EFCAB6: variants seen among roughly 807,000 people sequenced by gnomAD.
The protein encoded by EFCAB6 is EF-hand calcium binding domain 6.
Under a neutral mutation model 169.8 loss-of-function variants are expected in EFCAB6, and 156 were observed. The observed-to-expected ratio is 0.92, with a 90% CI of 0.81 to 1.05. The LOEUF (loss-of-function observed/expected upper bound fraction) is 1.05, where lower values mean the gene tolerates loss of function less well. Among genes scored for constraint, EFCAB6 ranks in the 50% least tolerant of loss-of-function variants. The pLI is 0.00. For missense variants in EFCAB6, 1,800 were observed against 1,829.1 expected (o/e 0.98, Z 0.29); for synonymous variants, 698 against 676.4 (o/e 1.03, Z -0.50).
chr22:43,732,570 G>T (rs1244285320), intron 7 of EFCAB6, among the ~76,000 whole-genome samples: 1 of 148,022 alleles, frequency 6.8e-6, no homozygotes. Flanking sequence ...CAGTTCAAGC[G>T]ATTCTCGTGC....
intron 13 of EFCAB6, among the ~76,000 whole-genome samples, chr22:43,675,371 A>G (rs1460104655): frequency 9.3e-6 from 1 of 107,992 alleles, no homozygotes; most frequent in Non-Finnish European, 2.1e-5. Context: ...ATATAATATA[A>G]TATACTATAT....
chr22:43,809,578 T>C (rs997267541), intron 1 of EFCAB6, among the ~76,000 whole-genome samples: 1 of 152,186 alleles, frequency 6.6e-6, no homozygotes, highest in African/African-American at 2.4e-5. Flanking sequence ...TGTGTCCCTG[T>C]TGCCTTTTGT....
chr22:43,660,577 T>A (rs1424672497), intron 17 of EFCAB6, among the ~76,000 whole-genome samples: 1 of 151,384 alleles, frequency 6.6e-6, no homozygotes, highest in Non-Finnish European at 1.5e-5. Context: ...ATATATATAT[T>A]TTTTCCAACC....
chr22:43,672,984 C>A (rs909989368), intron 13 of EFCAB6, among the ~76,000 whole-genome samples: 1 of 152,070 alleles, frequency 6.6e-6, no homozygotes, highest in Non-Finnish European at 1.5e-5. Flanking sequence ...AGAAGAATAA[C>A]GAGATGGTAT....
At chr22:43,579,169 A>AGCATCATTCCATACACATAG (rs2050493372) in intron 25 of EFCAB6, among the ~76,000 whole-genome samples, 1 of 145,324 alleles carries the variant, frequency 6.9e-6, no homozygotes, top group African/African-American at 2.6e-5. Context: ...CTTACATGCA[A>AGCATCATTCCATACACATAG]GCATCATTCC....
chr22:43,566,414 C>T (rs2049432248), intron 26 of EFCAB6, among the ~76,000 whole-genome samples: 1 of 152,220 alleles, frequency 6.6e-6, no homozygotes, highest in Non-Finnish European at 1.5e-5. Flanking sequence ...GTGAATTCAA[C>T]CAGTGCTTAC....
intron 26 of EFCAB6, among the ~76,000 whole-genome samples, chr22:43,573,732 C>CAAAAAA (rs748024357): frequency 9.4e-5 from 8 of 85,290 alleles, no homozygotes; most frequent in South Asian, 4.1e-4. Context: ...TCTGTCTCAA[C>CAAAAAA]AAAAAAAAAA....
At position 43,716,870 on chromosome 22, in the gene EFCAB6, A is replaced by G. The variant is rs987259535; in HGVS notation, c.860T>C (p.Ile287Thr). 3 of 1,603,828 alleles carry G rather than the reference A, an allele frequency of 1.9e-6. No homozygotes were observed. Among genetic ancestry groups the G allele is most frequent in the East Asian group, 2.2e-5 (1 of 44,454 alleles). ...TACTTGTAGACAAAAGTTCCTCTCA[A>G]TTTCATCCAAGGAGTAGTTTCTCCA... Reference protein sequence around the residue: ...DIWRNYSLDEIERNFCLQLSK... With the variant: ...DIWRNYSLDETERNFCLQLSK... Residue 287 changes from isoleucine to threonine, a missense_variant, in exon 9 of 32, where the codon ATT becomes ACT. Transcript: ENST00000262726.
intron 17 of EFCAB6, among the ~76,000 whole-genome samples, chr22:43,655,808 T>A (rs949224044): frequency 6.6e-6 from 1 of 152,126 alleles, no homozygotes; most frequent in Non-Finnish European, 1.5e-5. Flanking sequence ...GGATACGCCA[T>A]GTGAACACTC....
chr22:43,565,938 G>A (rs759430038), intron 26 of EFCAB6, among the ~76,000 whole-genome samples: 12 of 150,828 alleles, frequency 8.0e-5, no homozygotes, highest in Non-Finnish European at 1.8e-4. Context: ...GAAATTAATT[G>A]TACTGTATCT....
At chr22:43,652,456 A>G (rs1285980155) in intron 17 of EFCAB6, among the ~76,000 whole-genome samples, 1 of 152,196 alleles carries the variant, frequency 6.6e-6, no homozygotes, top group Non-Finnish European at 1.5e-5. Context: ...TGTCTTCATC[A>G]GCAGCGTGAA....
Position 43,572,876 on chromosome 22 carries a change from A to G in EFCAB6, c.3420+3421T>C, listed in dbSNP as rs1057320670. On this transcript the variant is annotated intron_variant, in intron 26 of 31. Coordinates refer to ENST00000262726, the MANE Select transcript of EFCAB6 (RefSeq NM_022785.4). This position sits in a 1 kb window ranked among gnomAD's most constrained non-coding sequence, Gnocchi z 4.0. ...GCACCCAGCTCAGCGCCTGGTACACATGGGCCATAGGAAACACGTGTCATG... is the reference window on the plus strand; with the variant it reads ...GCACCCAGCTCAGCGCCTGGTACACGTGGGCCATAGGAAACACGTGTCATG... 3.3e-5 allele frequency among the ~76,000 whole-genome samples: 5 copies of G among 152,216 alleles called. No individual in the cohort carries two copies. The highest frequency in any genetic ancestry group is 2.9e-5 in the Non-Finnish European group (2 of 68,046).
chr22:43,734,213 C>A (rs959192225), intron 7 of EFCAB6, among the ~76,000 whole-genome samples: 2 of 152,100 alleles, frequency 1.3e-5, no homozygotes, highest in African/African-American at 4.8e-5. Flanking sequence ...TGCATTGTTT[C>A]TTGCTCAAAA....
At chr22:43,749,585 T>C (rs762773099) in intron 6 of EFCAB6, among the ~76,000 whole-genome samples, 3 of 152,006 alleles carry the variant, frequency 2.0e-5, no homozygotes, top group Non-Finnish European at 4.4e-5. Context: ...TTCGTGCTCC[T>C]ATGAGAAGCT....
chr22:43,555,983 C>T (rs543046767), intron 26 of EFCAB6, among the ~76,000 whole-genome samples: 12 of 152,310 alleles, frequency 7.9e-5, no homozygotes, highest in African/African-American at 2.2e-4. Flanking sequence ...TCAGCATCTG[C>T]GGATGCTCAC....
chr22:43,636,609 C>CTTTT (rs907909699), intron 17 of EFCAB6, among the ~76,000 whole-genome samples: 3 of 126,294 alleles, frequency 2.4e-5, no homozygotes, highest in African/African-American at 6.0e-5. Flanking sequence ...CAGTTCTTTT[C>CTTTT]TTTTTTTTTT....
At chr22:43,647,078 A>G (rs1242317494) in intron 17 of EFCAB6, among the ~76,000 whole-genome samples, 1 of 151,716 alleles carries the variant, frequency 6.6e-6, no homozygotes, top group Non-Finnish European at 1.5e-5. Flanking sequence ...ACAGGGGTAT[A>G]CGGGAACTTT....
intron 24 of EFCAB6, among the ~76,000 whole-genome samples, chr22:43,585,696 C>T (rs2051020880): frequency 6.6e-6 from 1 of 152,046 alleles, no homozygotes. Context: ...CAAATCTATA[C>T]CTAAACATAC....
At chr22:43,535,985 G>A (rs922712035) in intron 29 of EFCAB6, 3 of 152,196 alleles carry the variant, frequency 2.0e-5, no homozygotes, top group Admixed American at 2.0e-4. Context: ...CATCAGCAGT[G>A]AGGAGAAAAT....
Sources: gnomAD v4.1 joint callset for allele counts (sites outside exome capture counted in the v4.1 genomes callset) on GRCh38, gnomAD v4.1.1 for gene constraint, Gnocchi (gnomAD v3.1) non-coding constraint, MANE v1.5 for transcripts, NCBI Gene and HGNC (gene_info 2026-07-23, HGNC 2026-07-21) for gene names.